Variants in ST6GALNAC3 observed in about 807,000 individuals in gnomAD.
ST6GALNAC3 encodes the protein ST6 N-acetylgalactosaminide alpha-2,6-sialyltransferase 3, also known as alpha-N-acetylgalactosaminide alpha-2,6-sialyltransferase 3.
Under a neutral mutation model 32.7 loss-of-function variants are expected in ST6GALNAC3, and 25 were observed. That is an observed-to-expected ratio of 0.76 (90% CI 0.56 to 1.07). The LOEUF (loss-of-function observed/expected upper bound fraction) is 1.07. ST6GALNAC3 is among the 50% of genes least tolerant of loss of function. The pLI is 0.00. For synonymous variants in ST6GALNAC3, 129 were observed against 133.1 expected, an observed-to-expected ratio of 0.97 and a Z score of 0.21; for missense variants, 355 against 382.4, an observed-to-expected ratio of 0.93 and a Z score of 0.60.
At position 76,237,682 on chromosome 1, in the gene ST6GALNAC3, G is replaced by C. The variant is rs1027192934; in HGVS notation, c.19-76123G>C. 2.0e-5 allele frequency among the ~76,000 whole-genome samples: 3 copies of C among 152,164 alleles called. 1 individual carries two copies. In the South Asian group the frequency reaches 6.2e-4, roughly 32 times the overall value. ...CATGGGAATTCAGACTAGAATAAAA[G>C]GAAGTTATTTATAGGATGTTTAATA... On this transcript the variant is annotated intron_variant, in intron 1 of 4. Coordinates refer to ENST00000328299, the MANE Select transcript of ST6GALNAC3 (RefSeq NM_152996.4).
rs527903510 is a variant in ST6GALNAC3 at position 76,117,610 on chromosome 1, A to AG, written c.18+42727dup. Among the ~76,000 whole-genome samples the AG allele has an allele frequency of 3.4e-4, 32 of 92,858 alleles. No homozygotes were observed. The South Asian group carries it at 0.01, about 30-fold the overall frequency. The allele number at this position is 92,858 out of a possible 152,430, so 60.9% of individuals were successfully genotyped here. A position where few individuals can be genotyped will look rare whatever the true frequency, so the allele number is the denominator to read the frequency against. On this transcript the variant is annotated intron_variant, in intron 1 of 4. Coordinates refer to ENST00000328299, the MANE Select transcript of ST6GALNAC3 (RefSeq NM_152996.4). ...CTGGCAGGGTTATTCACGCTGGACT[A>AG]GCTCTGAGCCTGCTAATTCAAATAA...
At chr1:76,454,698 C>T (rs1013659516) in intron 3 of ST6GALNAC3, among the ~76,000 whole-genome samples, 5 of 152,048 alleles carry the variant, frequency 3.3e-5, no homozygotes, top group Admixed American at 6.6e-5. Context: ...GGTGCTTTTG[C>T]CTCATGGCTT....
intron 3 of ST6GALNAC3, among the ~76,000 whole-genome samples, chr1:76,548,269 G>C (rs1160909808): frequency 6.6e-6 from 1 of 152,106 alleles, no homozygotes; most frequent in Non-Finnish European, 1.5e-5. Flanking sequence ...CCCTATGTGT[G>C]TTTATCTGCT....
rs767734132 is a variant in ST6GALNAC3 at position 76,123,749 on chromosome 1, ATTTTT to A, written c.18+48885_18+48889del. ...TCCAGGCCCAGGCCTACTCATTTTA[ATTTTT>A]TTTTTTTTTTTTTTTTTTTGAGACA... On this transcript the variant is annotated intron_variant, in intron 1 of 4. Transcript: ENST00000328299. Among the ~76,000 whole-genome samples, 163 of 94,296 alleles carry A rather than the reference ATTTTT, an allele frequency of 1.7e-3. 1 individual carries two copies. The highest frequency in any genetic ancestry group is 2.1e-3 in the Non-Finnish European group (109 of 51,408). 61.9% of individuals were successfully genotyped at this position (94,296 alleles called of 152,430 possible).
At chr1:76,626,450 A>G (rs1648973854) in intron 3 of ST6GALNAC3, among the ~76,000 whole-genome samples, 1 of 151,968 alleles carries the variant, frequency 6.6e-6, no homozygotes, top group Non-Finnish European at 1.5e-5. Flanking sequence ...ATGGAGATCC[A>G]GCTTTTCATT....
At chr1:76,583,418 A>G (rs1484848508) in intron 3 of ST6GALNAC3, among the ~76,000 whole-genome samples, 1 of 152,232 alleles carries the variant, frequency 6.6e-6, no homozygotes, top group African/African-American at 2.4e-5. Context: ...TGAAAAGGTC[A>G]AAGTAACAGA....
intron 1 of ST6GALNAC3, among the ~76,000 whole-genome samples, chr1:76,080,400 C>A (rs1646877140): frequency 6.6e-6 from 1 of 151,906 alleles, no homozygotes; most frequent in Admixed American, 6.6e-5. Context: ...GTATAGCAGG[C>A]AGATTAGAGC....
At chr1:76,347,400 A>G (rs1250031653) in intron 2 of ST6GALNAC3, among the ~76,000 whole-genome samples, 2 of 152,112 alleles carry the variant, frequency 1.3e-5, no homozygotes, top group South Asian at 2.1e-4. Context: ...AGTTTCTTGC[A>G]TTCTCCTTGA....
At position 76,495,411 on chromosome 1, in the gene ST6GALNAC3, C is replaced by T. The variant is rs142409391; in HGVS notation, c.623+82994C>T. Among the ~76,000 whole-genome samples, 1,025 of 152,162 alleles carry T rather than the reference C, an allele frequency of 6.7e-3. 10 individuals carry two copies. The highest frequency in any genetic ancestry group is 0.018 in the South Asian group (88 of 4,814). ...GTATGACTGCCTTTGTCATCTCAAA[C>T]AAAGTTGCAAAAAGTGTCATGACTT... On this transcript the variant is annotated intron_variant, in intron 3 of 4. Coordinates refer to ENST00000328299, the MANE Select transcript of ST6GALNAC3 (RefSeq NM_152996.4).
intron 1 of ST6GALNAC3, among the ~76,000 whole-genome samples, chr1:76,145,596 A>C (rs1382643966): frequency 6.6e-6 from 1 of 152,244 alleles, no homozygotes; most frequent in Non-Finnish European, 1.5e-5. Flanking sequence ...TACGGAAATA[A>C]TTAGTGACTT....
chr1:76,153,998 C>T (rs1439189940), intron 1 of ST6GALNAC3, among the ~76,000 whole-genome samples: 3 of 152,150 alleles, frequency 2.0e-5, no homozygotes, highest in Admixed American at 6.5e-5. Context: ...CCTGTCCCGC[C>T]GTCTGTAGTC....
At chr1:76,237,056 G>A (rs1656696525) in intron 1 of ST6GALNAC3, among the ~76,000 whole-genome samples, 1 of 152,126 alleles carries the variant, frequency 6.6e-6, no homozygotes. Context: ...TAGGCCACGG[G>A]GCCAGGCAAG....
At chr1:76,275,287 A>C (rs1462777098) in intron 1 of ST6GALNAC3, among the ~76,000 whole-genome samples, 1 of 152,184 alleles carries the variant, frequency 6.6e-6, no homozygotes, top group Non-Finnish European at 1.5e-5. Flanking sequence ...TGCTTTGGGA[A>C]ATTCTTCATT....
At chr1:76,147,059 C>T (rs113701587) in intron 1 of ST6GALNAC3, among the ~76,000 whole-genome samples, 7 of 149,168 alleles carry the variant, frequency 4.7e-5, no homozygotes, top group South Asian at 2.1e-4. Context: ...TCACTCCCCC[C>T]ACTTCTTTTT....
intron 2 of ST6GALNAC3, among the ~76,000 whole-genome samples, chr1:76,367,938 T>C (rs1650507091): frequency 6.6e-6 from 1 of 152,208 alleles, no homozygotes; most frequent in African/African-American, 2.4e-5. Context: ...GGGCTATCAC[T>C]GTGAGTCTGA....
intron 3 of ST6GALNAC3, among the ~76,000 whole-genome samples, chr1:76,571,738 C>A (rs940350101): frequency 4.6e-5 from 7 of 152,002 alleles, no homozygotes; most frequent in Non-Finnish European, 1.0e-4. Context: ...TTATTATCAT[C>A]CTGGTATGTA....
chr1:76,184,874 TA>T (rs549467586), intron 1 of ST6GALNAC3, among the ~76,000 whole-genome samples: 71 of 152,324 alleles, frequency 4.7e-4, no homozygotes, highest in African/African-American at 1.6e-3. Flanking sequence ...AGATTTGCTT[TA>T]ATTTTCTACT....
chr1:76,542,549 T>A (rs1420672261), intron 3 of ST6GALNAC3, among the ~76,000 whole-genome samples: 2 of 152,058 alleles, frequency 1.3e-5, no homozygotes, highest in Non-Finnish European at 2.9e-5. Flanking sequence ...TATAGAGAGG[T>A]TCCTTTTCAG....
At chr1:76,494,370 TTTA>T (rs1046944831) in intron 3 of ST6GALNAC3, among the ~76,000 whole-genome samples, 2 of 147,824 alleles carry the variant, frequency 1.4e-5, no homozygotes, top group Non-Finnish European at 3.0e-5. Flanking sequence ...TTCACAAATA[TTTA>T]TTGAGTGTAT....
Sources: allele counts gnomAD v4.1 joint callset (sites outside exome capture counted in the v4.1 genomes callset), GRCh38; gene constraint gnomAD v4.1.1; transcripts MANE v1.5; gene names NCBI Gene and HGNC (gene_info 2026-07-23, HGNC 2026-07-21).